Variants in ELAPOR2 observed in about 807,000 individuals in gnomAD.
ELAPOR2 encodes endosome/lysosome-associated apoptosis and autophagy regulator family member 2.
ELAPOR2 carries 89 observed loss-of-function variants against 120.7 expected under a neutral mutation model. The observed-to-expected ratio is 0.74, with a 90% CI of 0.62 to 0.88. The LOEUF (loss-of-function observed/expected upper bound fraction) is 0.88, where lower values mean the gene tolerates loss of function less well. Among genes scored for constraint, ELAPOR2 ranks in the 40% least tolerant of loss-of-function variants. The pLI, the probability that ELAPOR2 is intolerant of heterozygous loss-of-function variation, is 0.00. For synonymous variants in ELAPOR2, 444 were observed against 444.9 expected (o/e 1.00, Z 0.03); for missense variants, 1,134 against 1,251.6 (o/e 0.91, Z 1.42).
intron 12 of ELAPOR2, among the ~76,000 whole-genome samples, chr7:86,916,291 A>G (rs1290218794): frequency 6.6e-6 from 1 of 152,204 alleles, no homozygotes; most frequent in Non-Finnish European, 1.5e-5. Flanking sequence ...GACTGAAAGG[A>G]GTAAGAGAGA....
intron 1 of ELAPOR2, among the ~76,000 whole-genome samples, chr7:87,034,520 T>C (rs547235978): frequency 2.0e-5 from 3 of 152,188 alleles, no homozygotes; most frequent in Admixed American, 6.5e-5. Context: ...AAGTAAATGA[T>C]CTTAATATTT....
In ELAPOR2 at chr7:86,879,283, C is replaced by T. The variant is rs767108228; in HGVS notation, c.*1188G>A. 2 of 152,122 alleles carry T rather than the reference C, an allele frequency of 1.3e-5. No individual in the cohort carries two copies. Among genetic ancestry groups the T allele is most frequent in the Non-Finnish European group, 2.9e-5 (2 of 68,006 alleles). The allele number at this position is 152,122 out of a possible 1,614,324, so 9.4% of individuals were successfully genotyped here. On this transcript the variant is annotated 3_prime_UTR_variant, in exon 22 of 22. Transcript: ENST00000450689. ...AAATAATATCCAAGTCGTGCTAATACCAGTAGCCCACCATAGAAAATATCA... is the reference window on the plus strand; with the variant it reads ...AAATAATATCCAAGTCGTGCTAATATCAGTAGCCCACCATAGAAAATATCA...
At chr7:87,001,563 A>G (rs995997770) in intron 1 of ELAPOR2, among the ~76,000 whole-genome samples, 1 of 152,140 alleles carries the variant, frequency 6.6e-6, no homozygotes, top group African/African-American at 2.4e-5. Flanking sequence ...GGTGAGGTGG[A>G]GCAAAGCCAA....
chr7:86,917,249 A>C (rs994342215), intron 12 of ELAPOR2, among the ~76,000 whole-genome samples: 23 of 151,910 alleles, frequency 1.5e-4, no homozygotes, highest in African/African-American at 5.6e-4. Context: ...GTGAAACTTC[A>C]TCTCTACTAA....
chr7:87,010,658 A>G (rs1015889850), intron 1 of ELAPOR2, among the ~76,000 whole-genome samples: 1 of 152,208 alleles, frequency 6.6e-6, no homozygotes, highest in Admixed American at 6.5e-5. Context: ...TGCACAATTC[A>G]CAGACAGGTA....
chr7:87,047,707 TTCTACACTGTTGATGGGAATGTAAA>T (rs1794993001), intron 1 of ELAPOR2, among the ~76,000 whole-genome samples: 1 of 152,192 alleles, frequency 6.6e-6, no homozygotes, highest in Non-Finnish European at 1.5e-5. Context: ...AAGGGAGTAC[TTCTACACTGTTGATGGGAATGTAAA>T]TTAGTGCAAC....
intron 2 of ELAPOR2, among the ~76,000 whole-genome samples, chr7:86,963,768 C>A (rs1355560786): frequency 1.3e-5 from 2 of 152,152 alleles, no homozygotes; most frequent in Middle Eastern, 3.2e-3. Flanking sequence ...CTCATCTGCC[C>A]TCTGCACGAG....
chr7:86,947,769 G>A lies in ELAPOR2; in HGVS notation c.464C>T (p.Thr155Ile), dbSNP rs983801494. 2 of 1,551,690 alleles carry A rather than the reference G, an allele frequency of 1.3e-6. No individual in the cohort carries two copies. Among genetic ancestry groups the A allele is most frequent in the Middle Eastern group, 1.7e-4 (1 of 5,994 alleles). ...CCTGCTGTCAGAAGGGCCCACCACA[G>A]TGTCCATGAATGTTGCGATGTTAGA... Reference protein sequence around the residue: ...GFSNIATFMDTVVGPSDSRPD... With the variant: ...GFSNIATFMDIVVGPSDSRPD... Residue 155 changes from threonine (T) to isoleucine (I), a missense_variant, in exon 3 of 22, where the codon ACT (threonine) becomes ATT (isoleucine). Coordinates refer to ENST00000450689, the MANE Select transcript of ELAPOR2 (RefSeq NM_001142749.3).
At chr7:86,966,374 A>T (rs1270798501) in intron 1 of ELAPOR2, among the ~76,000 whole-genome samples, 3 of 152,152 alleles carry the variant, frequency 2.0e-5, no homozygotes, top group East Asian at 3.8e-4. Context: ...CAATATTTTT[A>T]AAAATATTCT....
chr7:87,031,914 AG>A (rs1345934121), intron 1 of ELAPOR2, among the ~76,000 whole-genome samples: 3 of 152,274 alleles, frequency 2.0e-5, no homozygotes, highest in African/African-American at 7.2e-5. Flanking sequence ...GCTAAGTGAA[AG>A]AAGACAGCCC....
chr7:86,987,087 A>C (rs907425750), intron 1 of ELAPOR2, among the ~76,000 whole-genome samples: 3 of 152,006 alleles, frequency 2.0e-5, no homozygotes, highest in African/African-American at 7.2e-5. Context: ...CAAAAACAAG[A>C]AATGGGGAAA....
At position 87,059,547 on chromosome 7, in the gene ELAPOR2, A is replaced by G. The variant is rs1584058317; in HGVS notation, c.-34T>C. On this transcript the variant is annotated 5_prime_UTR_variant, in exon 1 of 22. Transcript: ENST00000450689. ...GGCCGCGGTCGGCGGGCCGGCGGCA[A>G]GGCAGCCTTCCCGGGGTGCGGCGGC... 1.7e-6 allele frequency: 2 copies of G among 1,166,918 alleles called. No individual in the cohort carries two copies. The highest frequency in any genetic ancestry group is 1.6e-5 in the African/African-American group (1 of 61,906). 72.3% of individuals were successfully genotyped at this position (1,166,918 alleles called of 1,614,324 possible). A position where few individuals can be genotyped will look rare whatever the true frequency, so the allele number is the denominator to read the frequency against.
chr7:86,974,382 T>C (rs1011828734), intron 1 of ELAPOR2, among the ~76,000 whole-genome samples: 2 of 152,122 alleles, frequency 1.3e-5, no homozygotes, highest in Admixed American at 6.6e-5. Context: ...TATCATAGCA[T>C]TATTTAAAAT....
chr7:87,000,815 C>G (rs1793292651), intron 1 of ELAPOR2, among the ~76,000 whole-genome samples: 1 of 152,110 alleles, frequency 6.6e-6, no homozygotes, highest in African/African-American at 2.4e-5. Context: ...ACAAAGAGAG[C>G]TGACCTGGAA....
At chr7:86,962,580 T>C (rs1244542378) in intron 2 of ELAPOR2, among the ~76,000 whole-genome samples, 2 of 152,210 alleles carry the variant, frequency 1.3e-5, no homozygotes, top group Non-Finnish European at 2.9e-5. Flanking sequence ...ACACAGGCTC[T>C]AGAATCAGAC....
At chr7:86,929,334 AATTAC>A (rs1192714889) in intron 8 of ELAPOR2, among the ~76,000 whole-genome samples, 1 of 151,942 alleles carries the variant, frequency 6.6e-6, no homozygotes, top group Non-Finnish European at 1.5e-5. Context: ...ATCAGGGCTA[AATTAC>A]ATGTGTTTTT....
At chr7:86,965,173 T>C in intron 1 of ELAPOR2, 149 bp from the exon 2 acceptor site, 1 of 753,542 alleles carries the variant, frequency 1.3e-6, no homozygotes, top group Non-Finnish European at 2.2e-6. Context: ...AAGCAGCTTA[T>C]TGATCAAAGA....
intron 9 of ELAPOR2, 91 bp downstream of exon 9, chr7:86,926,644 AC>A: frequency 2.4e-6 from 3 of 1,269,978 alleles, no homozygotes; most frequent in Middle Eastern, 2.0e-4. Flanking sequence ...TTCTGTAACC[AC>A]TTTCCATAAA....
At chr7:87,051,352 C>T (rs1795097107) in intron 1 of ELAPOR2, among the ~76,000 whole-genome samples, 1 of 152,142 alleles carries the variant, frequency 6.6e-6, no homozygotes, top group South Asian at 2.1e-4. Context: ...CAACGTATAA[C>T]TTTTATAGTT....
Sources: gnomAD v4.1 joint callset for allele counts (sites outside exome capture counted in the v4.1 genomes callset) on GRCh38, gnomAD v4.1.1 for gene constraint, MANE v1.5 for transcripts, NCBI Gene and HGNC (gene_info 2026-07-23, HGNC 2026-07-21) for gene names.